The following KHDRBS2 variants were observed in gnomAD, a reference collection of about 807,000 sequenced individuals.
KHDRBS2 encodes the protein KH RNA binding domain containing, signal transduction associated 2.
Under a neutral mutation model 44.3 loss-of-function variants are expected in KHDRBS2, and 26 were observed. The ratio of observed to expected loss-of-function variants is 0.59; its 90% CI spans 0.43 to 0.81. The LOEUF is 0.81. Ranked by LOEUF, KHDRBS2 falls within the 40% of genes least tolerant of loss-of-function variation. KHDRBS2 has a pLI of 0.00. For synonymous variants in KHDRBS2, 194 were observed against 151.1 expected (o/e 1.28, Z -2.08); for missense variants, 476 against 433.1 (o/e 1.10, Z -0.88).
intron 2 of KHDRBS2, among the ~76,000 whole-genome samples, chr6:62,088,033 TCAGCTCCATCAGG>T (rs1157562829): frequency 6.6e-6 from 1 of 152,230 alleles, no homozygotes; most frequent in African/African-American, 2.4e-5. Context: ...GCTGTGTTTT[TCAGCTCCATCAGG>T]TTATTTATGT....
intron 6 of KHDRBS2, among the ~76,000 whole-genome samples, chr6:61,884,850 C>T (rs566117719): frequency 1.3e-5 from 2 of 152,184 alleles, no homozygotes; most frequent in South Asian, 4.1e-4. Flanking sequence ...TGCTCTGTCC[C>T]CCCATAGAGA....
At chr6:62,094,557 G>A (rs1800164921) in intron 2 of KHDRBS2, among the ~76,000 whole-genome samples, 1 of 151,492 alleles carries the variant, frequency 6.6e-6, no homozygotes, top group Non-Finnish European at 1.5e-5. Flanking sequence ...CCATTTGTTT[G>A]TATTTGCTGC....
At chr6:61,632,466 TTAG>T in the KHDRBS2 span, among the ~76,000 whole-genome samples, 1 of 152,146 alleles carries the variant, frequency 6.6e-6, no homozygotes, top group African/African-American at 2.4e-5. Context: ...GTTGAGAAAT[TTAG>T]TAGAATACGT....
chr6:62,132,007 T>C (rs1044290519), intron 2 of KHDRBS2, among the ~76,000 whole-genome samples: 2 of 152,202 alleles, frequency 1.3e-5, no homozygotes, highest in African/African-American at 2.4e-5. Context: ...ACTCAGTATA[T>C]TTTGATGAAC....
chr6:61,581,189 G>A, the KHDRBS2 span, among the ~76,000 whole-genome samples: 1 of 152,078 alleles, frequency 6.6e-6, no homozygotes, highest in East Asian at 1.9e-4. Context: ...CCATGCAAAT[G>A]TGCCATGCAA....
At chr6:62,097,893 G>A (rs571722530) in intron 2 of KHDRBS2, among the ~76,000 whole-genome samples, 1 of 151,954 alleles carries the variant, frequency 6.6e-6, no homozygotes, top group African/African-American at 2.4e-5. Context: ...ATCTGTTATA[G>A]GTTTTTGCTT....
chr6:62,175,806 T>C (rs541654675), intron 2 of KHDRBS2, among the ~76,000 whole-genome samples: 3 of 151,598 alleles, frequency 2.0e-5, no homozygotes, highest in African/African-American at 7.2e-5. Context: ...GATCTGGTAA[T>C]AATCAGCATA....
chr6:62,122,447 T>G (rs1048455801), intron 2 of KHDRBS2, among the ~76,000 whole-genome samples: 4 of 152,168 alleles, frequency 2.6e-5, no homozygotes, highest in Admixed American at 2.0e-4. Flanking sequence ...GTTGGGCTTG[T>G]GCAGCAGCAT....
the KHDRBS2 span, among the ~76,000 whole-genome samples, chr6:61,632,699 G>A: frequency 5.9e-5 from 9 of 151,986 alleles, no homozygotes; most frequent in African/African-American, 2.2e-4. Flanking sequence ...TCATTGCTCT[G>A]TTGGTTGAAG....
At chr6:62,049,350 C>A (rs1345685935) in intron 2 of KHDRBS2, among the ~76,000 whole-genome samples, 1 of 151,824 alleles carries the variant, frequency 6.6e-6, no homozygotes, top group Non-Finnish European at 1.5e-5. Context: ...ACCTCTTTCA[C>A]ACGTAGGCAA....
At chr6:61,760,685 A>G (rs1251110531) in intron 6 of KHDRBS2, among the ~76,000 whole-genome samples, 2 of 152,194 alleles carry the variant, frequency 1.3e-5, no homozygotes, top group Non-Finnish European at 2.9e-5. Flanking sequence ...GCAATGGAAT[A>G]GAAAATTATA....
the KHDRBS2 span, among the ~76,000 whole-genome samples, chr6:61,631,660 T>C: frequency 6.6e-6 from 1 of 152,202 alleles, no homozygotes; most frequent in Admixed American, 6.5e-5. Context: ...ATGGCAGAAA[T>C]CCTTCTAAAG....
At chr6:61,657,679 G>A in the KHDRBS2 span, among the ~76,000 whole-genome samples, 1 of 151,916 alleles carries the variant, frequency 6.6e-6, no homozygotes, top group Non-Finnish European at 1.5e-5. Context: ...TGACTTCAGT[G>A]CTCCCTGTGG....
chr6:61,546,921 C>A, the KHDRBS2 span, among the ~76,000 whole-genome samples: 1 of 151,916 alleles, frequency 6.6e-6, no homozygotes, highest in Non-Finnish European at 1.5e-5. Flanking sequence ...CAGATTATTC[C>A]AGTTCAGAGT....
At chr6:61,658,518 A>G in the KHDRBS2 span, among the ~76,000 whole-genome samples, 3 of 151,946 alleles carry the variant, frequency 2.0e-5, no homozygotes, top group South Asian at 2.1e-4. Context: ...TAACTTATCA[A>G]TATGTTACAC....
chr6:62,034,039 T>A (rs190751405), intron 3 of KHDRBS2, among the ~76,000 whole-genome samples: 84 of 151,936 alleles, frequency 5.5e-4, no homozygotes, highest in African/African-American at 2.0e-3. Context: ...TAAGAGCAAC[T>A]ATATGCCAAT....
At chr6:61,918,772 G>T (rs1205138995) in intron 4 of KHDRBS2, among the ~76,000 whole-genome samples, 1 of 151,904 alleles carries the variant, frequency 6.6e-6, no homozygotes, top group Non-Finnish European at 1.5e-5. Context: ...TGTGAAACTG[G>T]TATTATTGCT....
intron 4 of KHDRBS2, among the ~76,000 whole-genome samples, chr6:61,940,876 A>G (rs1811999696): frequency 6.6e-6 from 1 of 152,172 alleles, no homozygotes; most frequent in Admixed American, 6.5e-5. Flanking sequence ...CTGAGGCTTG[A>G]GAACTGCCAG....
At chr6:62,125,679 C>T (rs919303691) in intron 2 of KHDRBS2, among the ~76,000 whole-genome samples, 2 of 152,124 alleles carry the variant, frequency 1.3e-5, no homozygotes, top group African/African-American at 4.8e-5. Flanking sequence ...GCACTGGACA[C>T]AATCCTGAGG....
Sources: allele counts gnomAD v4.1 joint callset (sites outside exome capture counted in the v4.1 genomes callset), GRCh38; gene constraint gnomAD v4.1.1; transcripts MANE v1.5; gene names NCBI Gene and HGNC (gene_info 2026-07-23, HGNC 2026-07-21).